Variants in LIPI observed in about 807,000 individuals in gnomAD.
LIPI encodes the protein lipase I, also known as lipase member I.
In LIPI, 59 loss-of-function variants were observed where a neutral mutation model predicts 50.6. The observed-to-expected ratio is 1.16, with a 90% CI of 0.94 to 1.45. The LOEUF is 1.45. Among genes scored for constraint, LIPI ranks in the 40% most tolerant of loss-of-function variants. The pLI is 0.00. For missense variants in LIPI, 586 were observed against 536.3 expected, an observed-to-expected ratio of 1.09 and a Z score of -0.92; for synonymous variants, 203 against 178.2, an observed-to-expected ratio of 1.14 and a Z score of -1.11.
chr21:14,178,939 C>T (rs965125554), intron 4 of LIPI, among the ~76,000 whole-genome samples: 4 of 152,090 alleles, frequency 2.6e-5, no homozygotes, highest in Middle Eastern at 6.3e-3. Flanking sequence ...ACTCAGTAAA[C>T]GTGATTTTGG....
chr21:14,210,938 G>T lies in LIPI; in HGVS notation c.-93C>A. 9.2e-7 allele frequency: 1 copy of T among 1,092,274 alleles called. No homozygotes were observed. The highest frequency in any genetic ancestry group is 2.3e-5 in the South Asian group (1 of 43,208). The allele number at this position is 1,092,274 out of a possible 1,614,324, so 67.7% of individuals were successfully genotyped here. A position where few individuals can be genotyped will look rare whatever the true frequency, so the allele number is the denominator to read the frequency against. ...TTTCTCTTTGGTAGGATCATCACAG[G>T]CTGGCAGGTTCTTCTGTAAAAGTTC... On this transcript the variant is annotated 5_prime_UTR_variant, in exon 1 of 10. Transcript: ENST00000681601.
intron 3 of LIPI, among the ~76,000 whole-genome samples, chr21:14,184,111 T>A (rs1600912769): frequency 6.6e-6 from 1 of 152,084 alleles, no homozygotes; most frequent in African/African-American, 2.4e-5. Flanking sequence ...ATTAAGAAAA[T>A]GTGGCACATA....
At chr21:14,197,270 C>A (rs1460348518) in intron 1 of LIPI, among the ~76,000 whole-genome samples, 1 of 151,816 alleles carries the variant, frequency 6.6e-6, no homozygotes, top group African/African-American at 2.4e-5. Context: ...GGGCATATTT[C>A]CATTAAAATT....
At chr21:14,161,771 T>TA (rs2018494645) in intron 7 of LIPI, among the ~76,000 whole-genome samples, 1 of 62,744 alleles carries the variant, frequency 1.6e-5, no homozygotes, top group African/African-American at 8.4e-5. Flanking sequence ...CATTATTATA[T>TA]ATTAATATAT....
chr21:14,210,249 T>TA (rs142185390), intron 1 of LIPI, among the ~76,000 whole-genome samples: 21,128 of 151,988 alleles, frequency 0.14, 1,944 homozygotes, highest in South Asian at 0.21. Flanking sequence ...TTAATATTGA[T>TA]AAACTTTATT....
chr21:14,181,918 A>G, intron 3 of LIPI, 59 bp from the exon 4 acceptor site: 1 of 866,226 alleles, frequency 1.2e-6, no homozygotes, highest in Non-Finnish European at 2.0e-6. Context: ...CTTACATTGC[A>G]TACTTCCATT....
chr21:14,154,098 C>T (rs1394558674), intron 7 of LIPI, among the ~76,000 whole-genome samples: 3 of 151,350 alleles, frequency 2.0e-5, no homozygotes, highest in African/African-American at 7.3e-5. Flanking sequence ...TGAAGTAGCA[C>T]AAATAGGTTT....
chr21:14,164,227 T>C (rs12482146), intron 6 of LIPI, among the ~76,000 whole-genome samples: 68,055 of 151,790 alleles, frequency 0.45, 15,663 homozygotes, highest in East Asian at 0.64. Flanking sequence ...AATTAAGAAT[T>C]CAGAGGTTTT....
At chr21:14,149,267 T>A (rs1030808075) in intron 8 of LIPI, among the ~76,000 whole-genome samples, 1 of 152,106 alleles carries the variant, frequency 6.6e-6, no homozygotes, top group Non-Finnish European at 1.5e-5. Flanking sequence ...AAGCCCCATA[T>A]AAAACCATCA....
chr21:14,112,017 T>C (rs2016436923), intron 9 of LIPI, among the ~76,000 whole-genome samples: 3 of 152,096 alleles, frequency 2.0e-5, no homozygotes, highest in African/African-American at 7.2e-5. Context: ...CTAATCTCTT[T>C]TAGAATCCTG....
intron 7 of LIPI, among the ~76,000 whole-genome samples, chr21:14,159,786 C>T (rs1288938932): frequency 6.6e-6 from 1 of 151,288 alleles, no homozygotes; most frequent in Non-Finnish European, 1.5e-5. Flanking sequence ...ATGAATTCAG[C>T]AAGTTCCCAG....
At chr21:14,196,996 C>A (rs565554126) in intron 1 of LIPI, among the ~76,000 whole-genome samples, 9 of 150,906 alleles carry the variant, frequency 6.0e-5, no homozygotes, top group African/African-American at 1.7e-4. Flanking sequence ...CCTGGAATAA[C>A]CCTAATATCA....
chr21:14,206,963 T>C (rs944049349), intron 1 of LIPI: 1 of 1,314,178 alleles, frequency 7.6e-7, no homozygotes, highest in East Asian at 2.3e-5. Context: ...TCTTTGTTTA[T>C]TCATGTATAA....
At chr21:14,206,784 A>G (rs1349694462) in intron 1 of LIPI, 1 of 1,279,570 alleles carries the variant, frequency 7.8e-7, no homozygotes, top group Non-Finnish European at 1.1e-6. Flanking sequence ...TTCATTTTAT[A>G]TATGAAGAAA....
intron 9 of LIPI, among the ~76,000 whole-genome samples, chr21:14,140,437 C>T (rs2017664415): frequency 6.6e-6 from 1 of 152,128 alleles, no homozygotes; most frequent in South Asian, 2.1e-4. Flanking sequence ...ATGTCATATA[C>T]ATTACAAAAG....
intron 4 of LIPI, among the ~76,000 whole-genome samples, chr21:14,180,389 C>T (rs1299023998): frequency 6.6e-6 from 1 of 152,188 alleles, no homozygotes; most frequent in Non-Finnish European, 1.5e-5. Flanking sequence ...GTCTGAGACT[C>T]AAGCGGGCAT....
intron 4 of LIPI, among the ~76,000 whole-genome samples, chr21:14,172,087 A>G (rs2018932033): frequency 6.6e-6 from 1 of 152,240 alleles, no homozygotes; most frequent in Non-Finnish European, 1.5e-5. Flanking sequence ...AAAAGAAGAC[A>G]CCTATGCAGC....
chr21:14,115,566 G>A (rs1326888192), intron 9 of LIPI, among the ~76,000 whole-genome samples: 1 of 152,110 alleles, frequency 6.6e-6, no homozygotes, highest in African/African-American at 2.4e-5. Context: ...GGAGATTGTA[G>A]GTTTCTGTCT....
intron 9 of LIPI, among the ~76,000 whole-genome samples, chr21:14,127,162 A>G (rs1469264287): frequency 1.3e-5 from 2 of 152,204 alleles, no homozygotes; most frequent in Non-Finnish European, 2.9e-5. Flanking sequence ...TTACAAAAAG[A>G]TAATTACTTG....
Sources: allele counts gnomAD v4.1 joint callset (sites outside exome capture counted in the v4.1 genomes callset), GRCh38; gene constraint gnomAD v4.1.1; transcripts MANE v1.5; gene names NCBI Gene and HGNC (gene_info 2026-07-23, HGNC 2026-07-21).